The following ZNF141 variants were observed in gnomAD, a reference collection of about 807,000 sequenced individuals.
The protein encoded by ZNF141 is zinc finger protein 141, also known as zinc finger protein 141 (clone pHZ-44).
In ZNF141, 7 loss-of-function variants were observed where a neutral mutation model predicts 11.3. That is an observed-to-expected ratio of 0.62 (90% CI 0.35 to 1.16). The LOEUF is 1.16. ZNF141 is among the 50% of genes most tolerant of loss of function. ZNF141 has a pLI of 0.02. For missense variants in ZNF141, 535 were observed against 554.0 expected (o/e 0.97, Z 0.34); for synonymous variants, 183 against 190.7 (o/e 0.96, Z 0.33).
At chr4:363,173 T>C (rs1256884597) in intron 3 of ZNF141, among the ~76,000 whole-genome samples, 1 of 152,106 alleles carries the variant, frequency 6.6e-6, no homozygotes, top group Non-Finnish European at 1.5e-5. Context: ...GATTTGGCTC[T>C]CTGTCTGTTA....
intron 3 of ZNF141, among the ~76,000 whole-genome samples, chr4:359,864 ACAT>A (rs1289372354): frequency 6.6e-6 from 1 of 152,164 alleles, no homozygotes; most frequent in East Asian, 1.9e-4. Flanking sequence ...GATTTCTTCC[ACAT>A]CATGACTGAC....
chr4:348,793 G>A (rs1315018771), intron 3 of ZNF141, among the ~76,000 whole-genome samples: 1 of 151,574 alleles, frequency 6.6e-6, no homozygotes, highest in Admixed American at 6.6e-5. Context: ...GATTGCTCAG[G>A]TTATTAAAAG....
chr4:365,955 A>T (rs1245094034), intron 3 of ZNF141, among the ~76,000 whole-genome samples: 1 of 152,186 alleles, frequency 6.6e-6, no homozygotes, highest in Non-Finnish European at 1.5e-5. Context: ...CTCTAGTTTC[A>T]TGAATTTATT....
Position 381,946 on chromosome 4 carries a change from C to CTTTTTTTTTTT in ZNF141, c.*8093_*8103dup, listed in dbSNP as rs34905613. The stretch of plus-strand genomic sequence containing the variant: ...CTAGGGCCACCACCATCTCTGGGAA[C>CTTTTTTTTTTT]TTTTTTTTTTTTTTTTTTTGAGACG... On this transcript the variant is annotated 3_prime_UTR_variant, in exon 4 of 4. Coordinates refer to ENST00000240499, the MANE Select transcript of ZNF141 (RefSeq NM_003441.4). Among the ~76,000 whole-genome samples the CTTTTTTTTTTT allele has an allele frequency of 1.3e-3, 140 of 105,914 alleles. 10 individuals are homozygous for CTTTTTTTTTTT. Among genetic ancestry groups the CTTTTTTTTTTT allele is most frequent in the Middle Eastern group, 5.6e-3 (1 of 180 alleles). 69.5% of individuals were successfully genotyped at this position (105,914 alleles called of 152,430 possible).
intron 1 of ZNF141, among the ~76,000 whole-genome samples, chr4:342,318 C>T (rs765535327): frequency 3.3e-5 from 5 of 152,200 alleles, no homozygotes; most frequent in South Asian, 2.1e-4. Flanking sequence ...ACATTGCCAC[C>T]GTCTCCAACT....
intron 3 of ZNF141, among the ~76,000 whole-genome samples, chr4:346,893 A>ACACACCCCCCCC (rs373224939): frequency 7.4e-6 from 1 of 135,484 alleles, no homozygotes; most frequent in African/African-American, 3.2e-5. Flanking sequence ...ACACACACAC[A>ACACACCCCCCCC]CCGCCCCCCC....
At position 380,504 on chromosome 4, in the gene ZNF141, T is replaced by C. The variant is rs911380970; in HGVS notation, c.*6642T>C. The stretch of plus-strand genomic sequence containing the variant: ...CCGTCTCTACTACAAATATAAAAAT[T>C]AGCTGGGTGTGGTGTCAGGCGCCTG... On this transcript the variant is annotated 3_prime_UTR_variant, in exon 4 of 4. Coordinates refer to ENST00000240499, the MANE Select transcript of ZNF141 (RefSeq NM_003441.4). Among the ~76,000 whole-genome samples, 1 of 151,912 alleles carries C rather than the reference T, an allele frequency of 6.6e-6. No homozygotes were observed. The highest frequency in any genetic ancestry group is 1.5e-5 in the Non-Finnish European group (1 of 67,996).
chr4:339,114 T>C (rs1553848033), intron 1 of ZNF141, among the ~76,000 whole-genome samples: 1 of 152,234 alleles, frequency 6.6e-6, no homozygotes, highest in East Asian at 1.9e-4. Context: ...CGGCCACACT[T>C]GTCCCAGGAC....
Position 344,445 on chromosome 4 carries a change from A to G in ZNF141, c.226+15A>G, listed in dbSNP as rs1553849162. On this transcript the variant is annotated intron_variant, in intron 3 of 3. Coordinates refer to ENST00000240499, the MANE Select transcript of ZNF141 (RefSeq NM_003441.4). Reference sequence around the variant, plus strand: ...CAGACCCCCAGGTAGGTGAGAGTGAATGGAGGAGAGGGCACAGGCAAGGGG... The same window carrying G: ...CAGACCCCCAGGTAGGTGAGAGTGAGTGGAGGAGAGGGCACAGGCAAGGGG... 6.3e-7 allele frequency: 1 copy of G among 1,598,606 alleles called. No individual in the cohort carries two copies. Among genetic ancestry groups the G allele is most frequent in the Non-Finnish European group, 8.6e-7 (1 of 1,169,422 alleles).
rs1712346626 is a variant in ZNF141, at chr4:375,994, T to G, written c.*2132T>G. ...GCATTATAGTGAGAGAAAATCTGTTTTAGTAGTAAATTGTTTTACCAATTA... is the reference window on the plus strand; with the variant it reads ...GCATTATAGTGAGAGAAAATCTGTTGTAGTAGTAAATTGTTTTACCAATTA... On this transcript the variant is annotated 3_prime_UTR_variant, in exon 4 of 4. Transcript: ENST00000240499. 6.6e-6 allele frequency among the ~76,000 whole-genome samples: 1 copy of G among 152,040 alleles called. No homozygotes were observed. Among genetic ancestry groups the G allele is most frequent in the African/African-American group, 2.4e-5 (1 of 41,438 alleles).
intron 3 of ZNF141, among the ~76,000 whole-genome samples, chr4:371,664 C>T (rs183012630): frequency 3.3e-5 from 5 of 152,134 alleles, no homozygotes; most frequent in South Asian, 2.1e-4. Flanking sequence ...CTCAGCCTCC[C>T]GCATAGCTAG....
rs1370785939 is a variant in ZNF141, at chr4:375,966, T to C, written c.*2104T>C. On this transcript the variant is annotated 3_prime_UTR_variant, in exon 4 of 4. Coordinates refer to ENST00000240499, the MANE Select transcript of ZNF141 (RefSeq NM_003441.4). ...AGGTAGGTGTTCAGAGTAATATTCT[T>C]CTGCATTATAGTGAGAGAAAATCTG... 5.9e-5 allele frequency among the ~76,000 whole-genome samples: 9 copies of C among 152,220 alleles called. No individual in the cohort carries two copies. The South Asian group carries it at 1.2e-3, about 21-fold the overall frequency.
intron 3 of ZNF141, among the ~76,000 whole-genome samples, chr4:359,735 G>A (rs1226904245): frequency 1.3e-5 from 2 of 152,174 alleles, no homozygotes; most frequent in African/African-American, 4.8e-5. Context: ...GATTTTGGTT[G>A]CATGGACTTG....
chr4:337,944 A>G lies in ZNF141; in HGVS notation c.-40A>G. ...CTCTGTGACCTGCGGGTATTGGATG[A>G]TTGGTAGCTAAGACTCCCGAATACT... is the stretch of plus-strand genomic sequence containing the variant. On this transcript the variant is annotated 5_prime_UTR_variant, in exon 1 of 4. Coordinates refer to ENST00000240499, the MANE Select transcript of ZNF141 (RefSeq NM_003441.4). 1 of 1,611,986 alleles carries G rather than the reference A, an allele frequency of 6.2e-7. No homozygotes were observed. The highest frequency in any genetic ancestry group is 8.5e-7 in the Non-Finnish European group (1 of 1,178,650).
At chr4:369,158 TAC>T (rs57543494) in intron 3 of ZNF141, among the ~76,000 whole-genome samples, 71,166 of 150,902 alleles carry the variant, frequency 0.47, 17,920 homozygotes, top group African/African-American at 0.67. Context: ...TAGTGTAAGA[TAC>T]ACACACACAC....
At chr4:342,535 TC>T (rs1420146242) in intron 1 of ZNF141, among the ~76,000 whole-genome samples, 3 of 152,150 alleles carry the variant, frequency 2.0e-5, no homozygotes, top group Non-Finnish European at 4.4e-5. Flanking sequence ...AAAAGCTAAT[TC>T]ATGGACCCTT....
At position 380,922 on chromosome 4, in the gene ZNF141, A is replaced by C. The variant is rs1266836083; in HGVS notation, c.*7060A>C. Among the ~76,000 whole-genome samples, 1 of 152,156 alleles carries C rather than the reference A, an allele frequency of 6.6e-6. No homozygotes were observed. The highest frequency in any genetic ancestry group is 6.5e-5 in the Admixed American group (1 of 15,272). ...TGCAAAACGTATAAAATATACAGAA[A>C]AGAGAAATACTTCCTGTATTTAAAC... On this transcript the variant is annotated 3_prime_UTR_variant, in exon 4 of 4. Coordinates refer to ENST00000240499, the MANE Select transcript of ZNF141 (RefSeq NM_003441.4).
chr4:346,316 A>G (rs1358774160), intron 3 of ZNF141, among the ~76,000 whole-genome samples: 1 of 152,206 alleles, frequency 6.6e-6, no homozygotes, highest in African/African-American at 2.4e-5. Flanking sequence ...TTTGTGTGAC[A>G]TGGATTTTTC....
intron 3 of ZNF141, among the ~76,000 whole-genome samples, chr4:362,225 G>A (rs1260108364): frequency 1.3e-5 from 2 of 152,114 alleles, no homozygotes; most frequent in Non-Finnish European, 2.9e-5. Context: ...TGATAGGGTT[G>A]TTTGATTTCT....
Sources: allele counts gnomAD v4.1 joint callset (sites outside exome capture counted in the v4.1 genomes callset), GRCh38; gene constraint gnomAD v4.1.1; transcripts MANE v1.5; gene names NCBI Gene and HGNC (gene_info 2026-07-23, HGNC 2026-07-21).